STUM: variants seen among roughly 807,000 people sequenced by gnomAD.
STUM encodes protein stum homolog.
A neutral mutation model predicts 15.3 loss-of-function variants in STUM; 8 were observed. The observed-to-expected ratio is 0.52, with a 90% CI of 0.31 to 0.94. The LOEUF (loss-of-function observed/expected upper bound fraction) is 0.94, where lower values mean the gene tolerates loss of function less well. Ranked by LOEUF, STUM falls within the 40% of genes least tolerant of loss-of-function variation. The pLI, the probability that STUM is intolerant of heterozygous loss-of-function variation, is 0.05. For synonymous variants in STUM, 78 were observed against 88.7 expected (o/e 0.88, Z 0.68); for missense variants, 142 against 204.9 (o/e 0.69, Z 1.87).
chr1:226,593,185 C>CAAAAA (rs72490675), intron 1 of STUM, among the ~76,000 whole-genome samples: 3 of 125,312 alleles, frequency 2.4e-5, no homozygotes, highest in African/African-American at 9.0e-5. Flanking sequence ...GACTCCGTCT[C>CAAAAA]AAAAAAAAAA....
intron 1 of STUM, among the ~76,000 whole-genome samples, chr1:226,569,360 A>G (rs1459353547): frequency 1.3e-5 from 2 of 152,200 alleles, no homozygotes; most frequent in South Asian, 2.1e-4. Context: ...TGAGAGGCCC[A>G]ATGCTCTGTG....
At chr1:226,570,116 C>T (rs777468007) in intron 1 of STUM, among the ~76,000 whole-genome samples, 2 of 152,170 alleles carry the variant, frequency 1.3e-5, no homozygotes, top group Non-Finnish European at 2.9e-5. Flanking sequence ...TGCAGGGCTC[C>T]AGGCTGGAGT....
chr1:226,585,681 G>C (rs1053657218), intron 1 of STUM, among the ~76,000 whole-genome samples: 9 of 152,180 alleles, frequency 5.9e-5, no homozygotes, highest in African/African-American at 2.2e-4. Flanking sequence ...TGTTCTGTGG[G>C]TTATTTGCCT....
intron 1 of STUM, among the ~76,000 whole-genome samples, chr1:226,587,704 G>A (rs932414887): frequency 1.3e-5 from 2 of 152,124 alleles, no homozygotes; most frequent in Admixed American, 6.5e-5. Flanking sequence ...AGGGAGAAGT[G>A]GTTCAAGATG....
chr1:226,592,885 A>G (rs1249010476), intron 1 of STUM, among the ~76,000 whole-genome samples: 1 of 152,144 alleles, frequency 6.6e-6, no homozygotes, highest in Non-Finnish European at 1.5e-5. Context: ...CATCTCAGAC[A>G]CTTTAAATCC....
At chr1:226,596,752 C>T (rs886543406) in intron 1 of STUM, 50 bp from the exon 2 acceptor site, 1 of 1,539,612 alleles carries the variant, frequency 6.5e-7, no homozygotes. Context: ...CACACAGACC[C>T]CTTTGTCTCC....
intron 1 of STUM, among the ~76,000 whole-genome samples, chr1:226,579,569 C>T (rs560918611): frequency 2.4e-4 from 36 of 151,924 alleles, no homozygotes; most frequent in Admixed American, 3.3e-4. Context: ...CAGGAAGCCT[C>T]ACTGGCCGAG....
chr1:226,566,294 G>T (rs1667624544), intron 1 of STUM, among the ~76,000 whole-genome samples: 1 of 152,172 alleles, frequency 6.6e-6, no homozygotes, highest in Admixed American at 6.5e-5. Context: ...AATCCCTTTT[G>T]ATAGCCATGC....
At chr1:226,581,788 C>T (rs966784219) in intron 1 of STUM, among the ~76,000 whole-genome samples, 1 of 152,116 alleles carries the variant, frequency 6.6e-6, no homozygotes, top group Non-Finnish European at 1.5e-5. Context: ...GGACCGCCAT[C>T]CTCTTAGTGG....
chr1:226,602,371 G>T lies in STUM; in HGVS notation c.*331G>T, dbSNP rs934901119. The T allele has an allele frequency of 2.1e-5, 7 of 340,922 alleles. No homozygotes were observed. The highest frequency in any genetic ancestry group is 4.1e-5 in the Admixed American group (1 of 24,448). 21.1% of individuals were successfully genotyped at this position (340,922 alleles called of 1,614,324 possible). A position where few individuals can be genotyped will look rare whatever the true frequency, so the allele number is the denominator to read the frequency against. On this transcript the variant is annotated 3_prime_UTR_variant, in exon 4 of 4. Coordinates refer to ENST00000366788, the MANE Select transcript of STUM (RefSeq NM_001003665.4). ...GCTGTACCCACTGCCCACCGCAAAG[G>T]CACGCCACGTCTGCTGGGCCGGGCC...
intron 1 of STUM, among the ~76,000 whole-genome samples, chr1:226,593,552 G>C (rs991917275): frequency 2.6e-5 from 4 of 152,174 alleles, no homozygotes; most frequent in Non-Finnish European, 4.4e-5. Context: ...GAGTTCTTGA[G>C]GGCAGGGGTT....
At position 226,585,467 on chromosome 1, in the gene STUM, C is replaced by T. The variant is rs573500427; in HGVS notation, c.203-11335C>T. ...CCTTGTCTACTATCATTGTGCGTTT[C>T]GTAGATGGGGAAATGAGAAGTGCTG... is the stretch of plus-strand genomic sequence containing the variant. On this transcript the variant is annotated intron_variant, in intron 1 of 3. Coordinates refer to ENST00000366788, the MANE Select transcript of STUM (RefSeq NM_001003665.4). 9.9e-5 allele frequency among the ~76,000 whole-genome samples: 15 copies of T among 152,282 alleles called. No homozygotes were observed. In the South Asian group the frequency reaches 1.7e-3, roughly 17 times the overall value.
rs543024504 is a variant in STUM, at chr1:226,601,315, C to T, written c.391+641C>T. Among the ~76,000 whole-genome samples the T allele has an allele frequency of 9.2e-5, 14 of 152,204 alleles. No individual in the cohort carries two copies. The East Asian group carries it at 1.2e-3, about 13-fold the overall frequency. On this transcript the variant is annotated intron_variant, in intron 3 of 3. Transcript: ENST00000366788. Reference sequence around the variant, plus strand: ...TTAATTTTTTGTATTCTTAGTAAGACGGGATTTCACTGTGTTAGCCAGGAT... The same window carrying T: ...TTAATTTTTTGTATTCTTAGTAAGATGGGATTTCACTGTGTTAGCCAGGAT...
intron 1 of STUM, among the ~76,000 whole-genome samples, chr1:226,572,208 C>A (rs374158693): frequency 2.0e-5 from 3 of 152,266 alleles, no homozygotes. Flanking sequence ...GGGGCATTCA[C>A]AGCACAGGTG....
At position 226,598,652 on chromosome 1, in the gene STUM, A is replaced by T. The variant is rs1668219070; in HGVS notation, c.382+1671A>T. On this transcript the variant is annotated intron_variant, in intron 2 of 3. Transcript: ENST00000366788. ...TCACTTCCTCACTTTCCATTGCCCC[A>T]GGCTGTTGACTTGGCCAGAAACTCC... Among the ~76,000 whole-genome samples the T allele has an allele frequency of 3.9e-5, 6 of 152,200 alleles. No individual in the cohort carries two copies. The South Asian group carries it at 1.2e-3, about 32-fold the overall frequency.
intron 1 of STUM, among the ~76,000 whole-genome samples, chr1:226,587,243 C>T (rs941873043): frequency 9.2e-5 from 14 of 152,104 alleles, no homozygotes; most frequent in Non-Finnish European, 1.3e-4. Context: ...TAGCTCCAGT[C>T]GCCTTCACCC....
Position 226,577,854 on chromosome 1 carries a change from G to T in STUM, c.203-18948G>T, listed in dbSNP as rs140166472. 7.7e-4 allele frequency among the ~76,000 whole-genome samples: 118 copies of T among 152,314 alleles called. 2 individuals are homozygous for T. The East Asian group carries it at 0.021, about 27-fold the overall frequency. On this transcript the variant is annotated intron_variant, in intron 1 of 3. Coordinates refer to ENST00000366788, the MANE Select transcript of STUM (RefSeq NM_001003665.4). ...GGATGAAGGAGACAGAGGCTGCACA[G>T]AGGAGACAGTAGGGCGGGGGAGAGT...
intron 1 of STUM, among the ~76,000 whole-genome samples, chr1:226,592,002 T>A (rs1159219630): frequency 6.6e-6 from 1 of 152,106 alleles, no homozygotes; most frequent in East Asian, 1.9e-4. Context: ...CAAGGATATT[T>A]GAAAACCATT....
intron 1 of STUM, among the ~76,000 whole-genome samples, chr1:226,580,870 C>G (rs1667907581): frequency 6.6e-6 from 1 of 152,166 alleles, no homozygotes; most frequent in African/African-American, 2.4e-5. Context: ...ACAAAGAGAC[C>G]AGAAACACAG....
Sources: allele counts gnomAD v4.1 joint callset (sites outside exome capture counted in the v4.1 genomes callset), GRCh38; gene constraint gnomAD v4.1.1; transcripts MANE v1.5; gene names NCBI Gene and HGNC (gene_info 2026-07-23, HGNC 2026-07-21).